Variants in OTX1 observed in about 807,000 individuals in gnomAD.
The protein encoded by OTX1 is homeobox protein OTX1.
A neutral mutation model predicts 26.7 loss-of-function variants in OTX1; 7 were observed. The observed-to-expected ratio is 0.26, with a 90% confidence interval of 0.15 to 0.49. The LOEUF (loss-of-function observed/expected upper bound fraction) is 0.49, where lower values mean the gene tolerates loss of function less well. Among genes scored for constraint, OTX1 ranks in the 20% least tolerant of loss-of-function variants. The pLI, the probability that OTX1 is intolerant of heterozygous loss-of-function variation, is 0.98. For missense variants in OTX1, 414 were observed against 483.8 expected (o/e 0.86, Z 1.35); for synonymous variants, 216 against 212.8 (o/e 1.01, Z -0.13).
At chr2:63,050,356 C>T (rs1471125649), upstream of OTX1, among the ~76,000 whole-genome samples, 5 of 152,170 alleles carry the variant, frequency 3.3e-5, no homozygotes, top group East Asian at 9.6e-4. Context: ...GGGCCGAGGC[C>T]CGGGCTCCTC....
intron 4 of OTX1, among the ~76,000 whole-genome samples, chr2:63,054,950 A>C (rs972219448): frequency 4.6e-5 from 7 of 151,994 alleles, no homozygotes; most frequent in African/African-American, 1.7e-4. Flanking sequence ...CTCAAGTACT[A>C]CCTCTGTTTA....
chr2:63,054,478 A>T (rs2062049409), intron 4 of OTX1, among the ~76,000 whole-genome samples: 1 of 152,238 alleles, frequency 6.6e-6, no homozygotes, highest in Non-Finnish European at 1.5e-5. Flanking sequence ...GGACTAGGGA[A>T]GCTCCCGAAT....
chr2:63,053,208 C>A, intron 3 of OTX1, 121 bp downstream of exon 3: 1 of 638,990 alleles, frequency 1.6e-6, no homozygotes, highest in South Asian at 2.0e-5. Flanking sequence ...CAACACAGGG[C>A]CCACTGTCTG....
upstream of OTX1, among the ~76,000 whole-genome samples, chr2:63,049,866 C>T (rs532100933): frequency 1.3e-5 from 2 of 152,234 alleles, no homozygotes; most frequent in South Asian, 4.1e-4. This position sits in a 1 kb window ranked among gnomAD's most constrained non-coding sequence, Gnocchi z 4.8. Flanking sequence ...ACGAACAATC[C>T]GGGGAAATCG....
At chr2:63,053,756 G>C (rs539020598) in intron 3 of OTX1, among the ~76,000 whole-genome samples, 8 of 152,170 alleles carry the variant, frequency 5.3e-5, no homozygotes, top group Admixed American at 4.6e-4. Context: ...GCAGGGGAGA[G>C]GGGATGTAGA....
chr2:63,052,172 TC>T (rs1374446680), intron 2 of OTX1: 8 of 152,424 alleles, frequency 5.2e-5, no homozygotes, highest in African/African-American at 1.9e-4. Flanking sequence ...GCTGAGGCGC[TC>T]CCGACCTCAG....
Position 63,055,924 on chromosome 2 carries a change from T to C in OTX1, c.673T>C (p.Tyr225His). ...CGCAGCAGCCTCTTATCCCATGTCC[T>C]ACGGCCAGGGCGGCAGCTACGGCCA... ...ATAAASYPMS[Y>H]GQGGSYGQGY... is the part of the protein sequence containing the mutation. Residue 225 changes from tyrosine to histidine, a missense_variant, in exon 5 of 5, where the codon TAC becomes CAC. Tyr to His is a moderately conservative substitution (Grantham distance 83). Coordinates refer to ENST00000282549, the MANE Select transcript of OTX1 (RefSeq NM_014562.4). The surrounding 1 kb of genome is among the most constrained non-coding windows in gnomAD (Gnocchi z 5.2). 2 of 1,612,872 alleles carry C rather than the reference T, an allele frequency of 1.2e-6. No homozygotes were observed. The highest frequency in any genetic ancestry group is 1.1e-5 in the South Asian group (1 of 91,090).
Position 63,055,427 on chromosome 2 carries a change from G to C in OTX1, c.250-74G>C. 1 of 1,473,580 alleles carries C rather than the reference G, an allele frequency of 6.8e-7. No individual in the cohort carries two copies. The highest frequency in any genetic ancestry group is 9.2e-7 in the Non-Finnish European group (1 of 1,084,138). 91.3% of individuals were successfully genotyped at this position (1,473,580 alleles called of 1,614,324 possible). ...TTGCGATATTCTGGACCGGGAGTTG[G>C]GTCCGCGGGGCGGTGGAGCAACAAG... On this transcript the variant is annotated intron_variant, in intron 4 of 4. Coordinates refer to ENST00000282549, the MANE Select transcript of OTX1 (RefSeq NM_014562.4). The surrounding 1 kb of genome is among the most constrained non-coding windows in gnomAD (Gnocchi z 5.2).
chr2:63,052,703 G>A (rs190572034), intron 2 of OTX1, among the ~76,000 whole-genome samples, 177 bp from the exon 3 acceptor site: 1 of 152,302 alleles, frequency 6.6e-6, no homozygotes, highest in Non-Finnish European at 1.5e-5. Context: ...CCTAGAGCCA[G>A]ACGACCCAGA....
At position 63,054,254 on chromosome 2, in the gene OTX1, A is replaced by G. The variant is rs2062047998; in HGVS notation, c.249+56A>G. Reference sequence around the variant, plus strand: ...TAGGGGAGCTGAGGCTGCTCGGGGAAGGTCTAGGAAGGCTCTTGAGTAGTT... The same window carrying G: ...TAGGGGAGCTGAGGCTGCTCGGGGAGGGTCTAGGAAGGCTCTTGAGTAGTT... On this transcript the variant is annotated intron_variant, in intron 4 of 4. Transcript: ENST00000282549. The G allele has an allele frequency of 2.0e-6, 3 of 1,496,908 alleles. No homozygotes were observed. In the South Asian group the frequency reaches 4.0e-5, roughly 20 times the overall value. 92.7% of individuals were successfully genotyped at this position (1,496,908 alleles called of 1,614,324 possible).
chr2:63,053,233 C>T (rs982783337), intron 3 of OTX1, 146 bp downstream of exon 3: 3 of 556,058 alleles, frequency 5.4e-6, no homozygotes, highest in African/African-American at 4.0e-5. Context: ...CAATACAGGG[C>T]CCACTGCCGG....
In OTX1 at chr2:63,054,108, C is replaced by T. The variant is rs997215139; in HGVS notation, c.159C>T (p.Leu53=). The stretch of plus-strand genomic sequence containing the variant: ...TCACGCGTTCACAGCTGGACGTGCT[C>T]GAGGCGCTCTTCGCCAAGACTCGCT... The part of the protein sequence containing the change: ...TTFTRSQLDV[L]EALFAKTRYP... Residue 53 remains leucine (L), a synonymous_variant, in exon 4 of 5, where the codon CTC becomes CTT. Transcript: ENST00000282549. 5 of 1,612,068 alleles carry T rather than the reference C, an allele frequency of 3.1e-6. No individual in the cohort carries two copies. Among genetic ancestry groups the T allele is most frequent in the Non-Finnish European group, 4.2e-6 (5 of 1,179,264 alleles).
At position 63,055,895 on chromosome 2, in the gene OTX1, C is replaced by T. The variant is rs2062063256; in HGVS notation, c.644C>T (p.Ala215Val). The stretch of plus-strand genomic sequence containing the variant: ...CAGCGCTCCGTAGCTGCAGGCGCCG[C>T]CACCGCAGCAGCCTCTTATCCCATG... ...CMQRSVAAGA[A>V]TAAASYPMSY... is the part of the protein sequence containing the mutation. The change falls in exon 5 of 5, where the codon GCC becomes GTC. Residue 215 changes from alanine (A) to valine (V), a missense_variant. Around this residue, in one of 3 missense-constraint regions of OTX1, gnomAD observed 320 missense variants for 347.9 expected, o/e 0.92. Transcript: ENST00000282549. This position sits in a 1 kb window ranked among gnomAD's most constrained non-coding sequence, Gnocchi z 5.2. 1 of 1,612,266 alleles carries T rather than the reference C, an allele frequency of 6.2e-7. No individual in the cohort carries two copies. The highest frequency in any genetic ancestry group is 2.2e-5 in the East Asian group (1 of 44,878).
Position 63,056,601 on chromosome 2 carries a change from T to C in OTX1, c.*285T>C. 2.1e-6 allele frequency: 1 copy of C among 477,168 alleles called. No homozygotes were observed. Among genetic ancestry groups the C allele is most frequent in the Admixed American group, 3.4e-5 (1 of 29,140 alleles). The allele number at this position is 477,168 out of a possible 1,614,324, so 29.6% of individuals were successfully genotyped here. A position where few individuals can be genotyped will look rare whatever the true frequency, so the allele number is the denominator to read the frequency against. On this transcript the variant is annotated 3_prime_UTR_variant, in exon 5 of 5. Coordinates refer to ENST00000282549, the MANE Select transcript of OTX1 (RefSeq NM_014562.4). ...ATTATTTCCCCCCTTCAGCCCCTAC[T>C]AAACTCTTAAGCCTCCCCTTCCAGT...
At chr2:63,054,011 A>C in intron 3 of OTX1, 36 bp from the exon 4 acceptor site, 1 of 1,601,318 alleles carries the variant, frequency 6.2e-7, no homozygotes, top group Non-Finnish European at 8.5e-7. Flanking sequence ...CCACGTGGCC[A>C]CCAATGACCC....
At chr2:63,053,435 A>C in intron 3 of OTX1, 1 of 258,822 alleles carries the variant, frequency 3.9e-6, no homozygotes, top group South Asian at 9.6e-5. Context: ...TGGAATGTGT[A>C]ATCTGGACAC....
At chr2:63,054,679 C>T (rs1050081299) in intron 4 of OTX1, among the ~76,000 whole-genome samples, 1 of 152,152 alleles carries the variant, frequency 6.6e-6, no homozygotes, top group Admixed American at 6.5e-5. Flanking sequence ...CCTCTGCTTA[C>T]AGAGGATGCT....
chr2:63,052,705 C>G (rs548227332), intron 2 of OTX1, among the ~76,000 whole-genome samples, 175 bp from the exon 3 acceptor site: 1 of 152,300 alleles, frequency 6.6e-6, no homozygotes, highest in African/African-American at 2.4e-5. Flanking sequence ...TAGAGCCAGA[C>G]GACCCAGAAA....
At position 63,055,462 on chromosome 2, in the gene OTX1, C is replaced by A; in HGVS notation, c.250-39C>A. 1.3e-6 allele frequency: 2 copies of A among 1,578,052 alleles called. No individual in the cohort carries two copies. The highest frequency in any genetic ancestry group is 8.6e-7 in the Non-Finnish European group (1 of 1,158,674). On this transcript the variant is annotated intron_variant, in intron 4 of 4. Transcript: ENST00000282549. This position sits in a 1 kb window ranked among gnomAD's most constrained non-coding sequence, Gnocchi z 5.2. ...GCGGTGGAGCAACAAGCTCCCCTAG[C>A]TCCCTTTGACCCACTCTCCCCCATC...
Sources: gnomAD v4.1 joint callset for allele counts (sites outside exome capture counted in the v4.1 genomes callset) on GRCh38, gnomAD v4.1.1 for gene constraint, gnomAD v4.1.1 regional missense constraint, Gnocchi (gnomAD v3.1) non-coding constraint, MANE v1.5 for transcripts, NCBI Gene and HGNC (gene_info 2026-07-23, HGNC 2026-07-21) for gene names.